TRPM8: variants seen among roughly 807,000 people sequenced by gnomAD.
TRPM8 encodes TRPM8 cationic channel.
Under a neutral mutation model 133.7 loss-of-function variants are expected in TRPM8, and 110 were observed. The ratio of observed to expected loss-of-function variants is 0.82; its 90% CI spans 0.70 to 0.96. The LOEUF is 0.96. Among genes scored for constraint, TRPM8 ranks in the 40% least tolerant of loss-of-function variants. The pLI is 0.00. For synonymous variants in TRPM8, 535 were observed against 532.3 expected (o/e 1.01, Z -0.07); for missense variants, 1,291 against 1,379.5 (o/e 0.94, Z 1.02).
rs1420071647 is a variant in TRPM8 at position 233,985,851 on chromosome 2, G to T, written c.2925G>T (p.Leu975=). ...LSTNILLVNL[L]VAMFGYTVGT... ...CCAACATCCTGCTGGTCAACCTGCT[G>T]GTCGCCATGTTTGGGTATGTGTTCA... is the stretch of plus-strand genomic sequence containing the variant. Residue 975 remains leucine, a synonymous_variant, in exon 21 of 26, where the codon CTG becomes CTT. Transcript: ENST00000324695. The T allele has an allele frequency of 6.2e-7, 1 of 1,613,430 alleles. No homozygotes were observed. Among genetic ancestry groups the T allele is most frequent in the Non-Finnish European group, 8.5e-7 (1 of 1,179,690 alleles).
rs1276689507 is a variant in TRPM8 at position 233,939,102 on chromosome 2, C to T, written c.453C>T (p.Gly151=). 6.2e-7 allele frequency: 1 copy of T among 1,614,172 alleles called. No homozygotes were observed. The highest frequency in any genetic ancestry group is 8.5e-7 in the Non-Finnish European group (1 of 1,180,044). Residue 151 remains glycine, a synonymous_variant, in exon 5 of 26, where the codon GGC becomes GGT. Coordinates refer to ENST00000324695, the MANE Select transcript of TRPM8 (RefSeq NM_024080.5). ...TPNLVISVTG[G]AKNFALKPRM... is the part of the protein sequence containing the mutation. ...ACCTGGTCATTTCTGTGACCGGGGG[C>T]GCCAAGAACTTCGCCCTGAAGCCGC... is the stretch of plus-strand genomic sequence containing the variant.
At chr2:233,938,899 A>G (rs1041079892) in intron 4 of TRPM8, 99 bp from the exon 5 acceptor site, 28 of 1,369,834 alleles carry the variant, frequency 2.0e-5, no homozygotes, top group Non-Finnish European at 2.4e-5. Context: ...CCTCTTCTAG[A>G]AGCAGGCAAG....
Position 233,985,775 on chromosome 2 carries a change from G to T in TRPM8, c.2849G>T (p.Arg950Leu), listed in dbSNP as rs199616111. 2.5e-6 allele frequency: 4 copies of T among 1,614,008 alleles called. No homozygotes were observed. Among genetic ancestry groups the T allele is most frequent in the Non-Finnish European group, 3.4e-6 (4 of 1,180,020 alleles). The change falls in exon 21 of 26, where the codon CGG becomes CTG. Residue 950 changes from arginine to leucine, a missense_variant. Physicochemically the swap from Arg to Leu is moderately radical, Grantham distance 102 (BLOSUM62 -2). This residue lies in a region of TRPM8 where 328 missense variants were observed against 410.6 expected (regional missense o/e 0.80). Transcript: ENST00000324695. ...GAGCTGGATGAGCACAACCTGCCCC[G>T]GTTCCCCGAGTGGATCACCATCCCC... ...CVELDEHNLP[R>L]FPEWITIPLV...
chr2:233,972,630 G>A (rs1048984578), intron 17 of TRPM8, among the ~76,000 whole-genome samples: 9 of 152,216 alleles, frequency 5.9e-5, no homozygotes, highest in Non-Finnish European at 8.8e-5. Flanking sequence ...AGGCAGCTAC[G>A]GCCCGGTGAG....
intron 12 of TRPM8, among the ~76,000 whole-genome samples, chr2:233,962,142 A>G (rs1317569018): frequency 6.6e-6 from 1 of 152,224 alleles, no homozygotes; most frequent in Non-Finnish European, 1.5e-5. Flanking sequence ...TCAAAGGGAT[A>G]AATCTGGATA....
At chr2:233,920,507 ATGG>A (rs1691386591) in intron 1 of TRPM8, among the ~76,000 whole-genome samples, 2 of 152,338 alleles carry the variant, frequency 1.3e-5, no homozygotes. Flanking sequence ...TGGGCCTGCC[ATGG>A]AGATAATTCC....
At chr2:233,954,621 T>C (rs1189863716) in intron 10 of TRPM8, among the ~76,000 whole-genome samples, 1 of 152,238 alleles carries the variant, frequency 6.6e-6, no homozygotes, top group East Asian at 1.9e-4. Context: ...TGGAAGTGCA[T>C]TTAAAGCATC....
intron 3 of TRPM8, among the ~76,000 whole-genome samples, chr2:233,932,014 G>A (rs529802011): frequency 1.1e-3 from 168 of 152,342 alleles, no homozygotes; most frequent in African/African-American, 3.8e-3. Context: ...CCAAGGCTGT[G>A]CCTTCTCTAT....
At chr2:233,970,943 G>A (rs1038157649) in intron 17 of TRPM8, among the ~76,000 whole-genome samples, 9 of 152,130 alleles carry the variant, frequency 5.9e-5, no homozygotes, top group African/African-American at 1.2e-4. Context: ...TTTTGGCGTC[G>A]TCTCTCTACC....
At chr2:234,013,163 T>G (rs1218708522) in intron 24 of TRPM8, 8 of 152,330 alleles carry the variant, frequency 5.3e-5, no homozygotes, top group African/African-American at 1.7e-4. Flanking sequence ...TTGTTCCCTT[T>G]TCTATTTTTT....
rs202011689 is a variant in TRPM8, at chr2:233,942,736, T to C, written c.687T>C (p.Asn229=). The C allele has an allele frequency of 3.1e-6, 5 of 1,614,042 alleles. No homozygotes were observed. The Admixed American group carries it at 8.3e-5, about 27-fold the overall frequency. The change falls in exon 6 of 26, where the codon AAT becomes AAC. Residue 229 remains asparagine, a synonymous_variant. Coordinates refer to ENST00000324695, the MANE Select transcript of TRPM8 (RefSeq NM_024080.5). ...MVSNRDTLIR[N]CDAEGYFLAQ... ...CCAACCGGGACACCCTCATCAGGAA[T>C]TGCGATGCTGAGGTACCGGTGGGAC...
rs1691268703 is a variant in TRPM8, at chr2:233,955,355, A to C, written c.1362+105A>C. On this transcript the variant is annotated intron_variant, in intron 11 of 25. Transcript: ENST00000324695. ...AGGTCTTCAATACCAAATCTCTTAA[A>C]GGATTGTTCTGTTCCAGAATATCAG... 3 of 793,466 alleles carry C rather than the reference A, an allele frequency of 3.8e-6. No homozygotes were observed. The Admixed American group carries it at 6.5e-5, about 17-fold the overall frequency. The allele number at this position is 793,466 out of a possible 1,614,324, so 49.2% of individuals were successfully genotyped here.
chr2:234,014,590 A>G lies in TRPM8; in HGVS notation c.3293A>G (p.Glu1098Gly), dbSNP rs1266823368. 4 of 1,553,674 alleles carry G rather than the reference A, an allele frequency of 2.6e-6. No individual in the cohort carries two copies. The highest frequency in any genetic ancestry group is 3.5e-6 in the Non-Finnish European group (4 of 1,151,614). ...AATGATCTCAAGGGTCTTCTGAAAG[A>G]GATTGCTAATAAAATCAAATAAAAC... The part of the protein sequence containing the change: ...KLNDLKGLLK[E>G]IANKIK The change falls in exon 25 of 26, where the codon GAG becomes GGG. Residue 1098 changes from glutamate to glycine, a missense_variant. Glu to Gly is a moderately conservative substitution (Grantham distance 98, BLOSUM62 -2). This residue lies in a region of TRPM8 where 328 missense variants were observed against 410.6 expected (regional missense o/e 0.80). Transcript: ENST00000324695.
chr2:233,999,523 C>T (rs1692496635), intron 22 of TRPM8, among the ~76,000 whole-genome samples: 1 of 151,832 alleles, frequency 6.6e-6, no homozygotes. Context: ...CCCTGTTTGG[C>T]CATCGTGGCC....
chr2:233,976,466 G>A lies in TRPM8; in HGVS notation c.2356-3722G>A, dbSNP rs116698763. 7.8e-3 allele frequency among the ~76,000 whole-genome samples: 1,194 copies of A among 152,280 alleles called. 11 individuals are homozygous for A. Among genetic ancestry groups the A allele is most frequent in the Non-Finnish European group, 0.014 (957 of 68,030 alleles). ...GGAGGACACAGGGCAGGGACATGGG[G>A]TGGGAGTAGACAGGGGCAGGTGCGC... is the stretch of plus-strand genomic sequence containing the variant. On this transcript the variant is annotated intron_variant, in intron 17 of 25. Transcript: ENST00000324695.
chr2:234,006,880 T>A lies in TRPM8; in HGVS notation c.3158T>A (p.Leu1053Gln). 6.2e-7 allele frequency: 1 copy of A among 1,613,872 alleles called. No individual in the cohort carries two copies. The highest frequency in any genetic ancestry group is 8.5e-7 in the Non-Finnish European group (1 of 1,179,812). ...CCFKNEDNET[L>Q]AWEGVMKENY... is the part of the protein sequence containing the mutation. ...TTCAAAAATGAAGACAATGAGACTC[T>A]GGCATGGGAGGGTGTCATGAAGGAA... The change falls in exon 23 of 26, where the codon CTG (leucine) becomes CAG (glutamine). Residue 1053 changes from leucine (L) to glutamine (Q), a missense_variant. Around this residue, in one of 2 missense-constraint regions of TRPM8, gnomAD observed 328 missense variants for 410.6 expected, o/e 0.80. Transcript: ENST00000324695.
At position 233,980,286 on chromosome 2, in the gene TRPM8, A is replaced by C. The variant is rs761497301; in HGVS notation, c.2447+7A>C. On this transcript the variant is annotated splice_region_variant and intron_variant, in intron 18 of 25. Transcript: ENST00000324695. Reference sequence around the variant, plus strand: ...TAGCAGGAATTGTATTTCGGTAAGTAGTCTCATCACTTTTCCTAATTTTCT... The same window carrying C: ...TAGCAGGAATTGTATTTCGGTAAGTCGTCTCATCACTTTTCCTAATTTTCT... 18 of 1,574,092 alleles carry C rather than the reference A, an allele frequency of 1.1e-5. No individual in the cohort carries two copies. Among genetic ancestry groups the C allele is most frequent in the Non-Finnish European group, 1.5e-5 (17 of 1,160,204 alleles).
rs369096034 is a variant in TRPM8 at position 234,007,557 on chromosome 2, T to C, written c.3231-513T>C. Among the ~76,000 whole-genome samples, 90 of 152,228 alleles carry C rather than the reference T, an allele frequency of 5.9e-4. 1 individual carries two copies. Among genetic ancestry groups the C allele is most frequent in the African/African-American group, 2.0e-3 (83 of 41,462 alleles). ...CAGAAGTAATGTGTTGTGAAGTCTA[T>C]AGAGCGTGCTCTTATTGTAAATGTT... On this transcript the variant is annotated intron_variant, in intron 23 of 25. Coordinates refer to ENST00000324695, the MANE Select transcript of TRPM8 (RefSeq NM_024080.5).
Position 233,985,824 on chromosome 2 carries a change from C to T in TRPM8, c.2898C>T (p.Ser966=). Reference sequence around the variant, plus strand: ...CCCTGGTGTGCATCTACATGTTATCCACCAACATCCTGCTGGTCAACCTGC... The same window carrying T: ...CCCTGGTGTGCATCTACATGTTATCTACCAACATCCTGCTGGTCAACCTGC... ...TIPLVCIYML[S]TNILLVNLLV... is the part of the protein sequence containing the mutation. Residue 966 remains serine, a synonymous_variant, in exon 21 of 26, where the codon TCC becomes TCT. Transcript: ENST00000324695. 6.2e-7 allele frequency: 1 copy of T among 1,614,152 alleles called. No homozygotes were observed. Among genetic ancestry groups the T allele is most frequent in the Non-Finnish European group, 8.5e-7 (1 of 1,180,016 alleles).
Sources: gnomAD v4.1 joint callset for allele counts (sites outside exome capture counted in the v4.1 genomes callset) on GRCh38, gnomAD v4.1.1 for gene constraint, gnomAD v4.1.1 regional missense constraint, MANE v1.5 for transcripts, NCBI Gene and HGNC (gene_info 2026-07-23, HGNC 2026-07-21) for gene names.